Variants in CHKA observed in about 807,000 individuals in gnomAD.
CHKA encodes the protein CHETK-alpha.
CHKA carries 34 observed loss-of-function variants against 60.1 expected under a neutral mutation model. The ratio of observed to expected loss-of-function variants is 0.57; its 90% CI spans 0.43 to 0.75. The LOEUF (loss-of-function observed/expected upper bound fraction) is 0.75, where lower values mean the gene tolerates loss of function less well. Ranked by LOEUF, CHKA falls within the 30% of genes least tolerant of loss-of-function variation. The probability of loss-of-function intolerance (pLI) is 0.00; values close to 1 mark genes in which losing one functional copy is unlikely to be tolerated. For missense variants in CHKA, 563 were observed against 561.3 expected (o/e 1.00, Z -0.03); for synonymous variants, 217 against 223.1 (o/e 0.97, Z 0.24).
chr11:68,101,671 A>G (rs1857731393), intron 1 of CHKA, among the ~76,000 whole-genome samples: 1 of 152,070 alleles, frequency 6.6e-6, no homozygotes, highest in Non-Finnish European at 1.5e-5. Flanking sequence ...AAAAGAAAAG[A>G]AAAAGAAAGA....
chr11:68,074,983 A>G (rs1856741160), intron 3 of CHKA, among the ~76,000 whole-genome samples, 153 bp from the exon 4 acceptor site: 1 of 152,216 alleles, frequency 6.6e-6, no homozygotes, highest in African/African-American at 2.4e-5. Context: ...AAATATGAAG[A>G]AACAGAGGTT....
intron 3 of CHKA, among the ~76,000 whole-genome samples, chr11:68,080,079 C>G (rs1856929575): frequency 6.6e-6 from 1 of 152,186 alleles, no homozygotes; most frequent in Non-Finnish European, 1.5e-5. Flanking sequence ...TAGCATCACG[C>G]AGGTCCTGGT....
At chr11:68,067,192 A>G (rs1416446095) in intron 7 of CHKA, among the ~76,000 whole-genome samples, 11 of 152,242 alleles carry the variant, frequency 7.2e-5, no homozygotes, top group Non-Finnish European at 1.6e-4. Context: ...TGCTGGCACC[A>G]GTGAGCCAAC....
At chr11:68,105,942 A>G (rs907635595) in intron 1 of CHKA, among the ~76,000 whole-genome samples, 2 of 152,216 alleles carry the variant, frequency 1.3e-5, no homozygotes, top group Non-Finnish European at 2.9e-5. Flanking sequence ...CAAAATGACT[A>G]GAAAGAAAAA....
intron 11 of CHKA, among the ~76,000 whole-genome samples, chr11:68,060,499 T>TA (rs1430580758): frequency 3.3e-5 from 5 of 151,720 alleles, no homozygotes; most frequent in Non-Finnish European, 7.4e-5. Context: ...TTAGTAGAGA[T>TA]AGAGTTTCAC....
At position 68,097,010 on chromosome 11, in the gene CHKA, C is replaced by G; in HGVS notation, c.462+9G>C. On this transcript the variant is annotated intron_variant, in intron 2 of 11. Coordinates refer to ENST00000265689, the MANE Select transcript of CHKA (RefSeq NM_001277.3). ...GATCCCCCCCTCCCAAAGTAGCCTA[C>G]CAACTCACCATCTGCAAAATCGCTC... The G allele has an allele frequency of 6.2e-7, 1 of 1,603,922 alleles. No individual in the cohort carries two copies. Among genetic ancestry groups the G allele is most frequent in the Non-Finnish European group, 8.5e-7 (1 of 1,172,654 alleles).
At chr11:68,097,956 G>A (rs1241981014) in intron 1 of CHKA, among the ~76,000 whole-genome samples, 1 of 152,094 alleles carries the variant, frequency 6.6e-6, no homozygotes. Context: ...CAAAGCTGGA[G>A]AGCACCATGT....
chr11:68,081,049 G>A (rs976445955), intron 3 of CHKA, among the ~76,000 whole-genome samples: 2 of 152,224 alleles, frequency 1.3e-5, no homozygotes, highest in Non-Finnish European at 2.9e-5. Context: ...GTGTGGGAAC[G>A]ACCAGAAAGG....
chr11:68,121,148 C>T lies in CHKA; in HGVS notation c.30G>A (p.Glu10=). 4 of 1,211,354 alleles carry T rather than the reference C, an allele frequency of 3.3e-6. No homozygotes were observed. The highest frequency in any genetic ancestry group is 4.1e-6 in the Non-Finnish European group (4 of 966,666). 75.0% of individuals were successfully genotyped at this position (1,211,354 alleles called of 1,614,324 possible). A position where few individuals can be genotyped will look rare whatever the true frequency, so the allele number is the denominator to read the frequency against. ...GCAGCCCGAGCGGCGAGGGCTCCGC[C>T]TCGCCCCCGGTGCAGAATTTGGTTT... MKTKFCTGG[E]AEPSPLGLLL... Residue 10 remains glutamate, a synonymous_variant, in exon 1 of 12, where the codon GAG becomes GAA. Coordinates refer to ENST00000265689, the MANE Select transcript of CHKA (RefSeq NM_001277.3).
chr11:68,119,758 G>A (rs964710833), intron 1 of CHKA, among the ~76,000 whole-genome samples: 7 of 152,112 alleles, frequency 4.6e-5, no homozygotes, highest in Non-Finnish European at 8.8e-5. Flanking sequence ...GTGAGCCACT[G>A]CGCCCGGCCC....
At chr11:68,107,688 G>C (rs1361184439) in intron 1 of CHKA, among the ~76,000 whole-genome samples, 1 of 152,016 alleles carries the variant, frequency 6.6e-6, no homozygotes, top group East Asian at 1.9e-4. Flanking sequence ...GGCCACCTTA[G>C]AAAGTGTTTC....
At chr11:68,081,219 T>A (rs1289192064) in intron 3 of CHKA, among the ~76,000 whole-genome samples, 185 bp downstream of exon 3, 1 of 152,128 alleles carries the variant, frequency 6.6e-6, no homozygotes, top group Admixed American at 6.5e-5. Flanking sequence ...GAATGAGGAA[T>A]ACCCACCGCT....
At chr11:68,071,192 A>C (rs1477984355) in intron 4 of CHKA, among the ~76,000 whole-genome samples, 1 of 152,188 alleles carries the variant, frequency 6.6e-6, no homozygotes, top group Non-Finnish European at 1.5e-5. Context: ...TTCACTACCC[A>C]ATGCTGAAGT....
chr11:68,116,988 G>A (rs953880917), intron 1 of CHKA, among the ~76,000 whole-genome samples: 2 of 152,124 alleles, frequency 1.3e-5, no homozygotes. Flanking sequence ...TCCAGTTCCG[G>A]TGTGCCAGGC....
At chr11:68,108,057 G>C (rs943340308) in intron 1 of CHKA, among the ~76,000 whole-genome samples, 2 of 152,312 alleles carry the variant, frequency 1.3e-5, no homozygotes, top group South Asian at 4.1e-4. Context: ...ACAGGCTGAC[G>C]GGGCTCCACT....
intron 11 of CHKA, among the ~76,000 whole-genome samples, chr11:68,058,691 CT>C (rs1856114702): frequency 1.3e-5 from 2 of 152,146 alleles, no homozygotes; most frequent in Admixed American, 1.3e-4. Flanking sequence ...ATCATGTCAC[CT>C]AAAGAATAAA....
At chr11:68,069,923 GCCA>G (rs1403094365) in intron 6 of CHKA, among the ~76,000 whole-genome samples, 1 of 151,996 alleles carries the variant, frequency 6.6e-6, no homozygotes, top group Admixed American at 6.6e-5. Context: ...TACTGCCCTG[GCCA>G]CCAAGCCACT....
chr11:68,057,182 T>C (rs1052137906), intron 11 of CHKA, among the ~76,000 whole-genome samples: 6 of 152,358 alleles, frequency 3.9e-5, no homozygotes, highest in South Asian at 2.1e-4. Context: ...GTGGTGATGA[T>C]TGTTGCTGAT....
At position 68,105,445 on chromosome 11, in the gene CHKA, G is replaced by A. The variant is rs927039195; in HGVS notation, c.351-8315C>T. On this transcript the variant is annotated intron_variant, in intron 1 of 11. Transcript: ENST00000265689. Reference sequence around the variant, plus strand: ...CAAGAGAATCGCTTAAACACGGGAGGAGGAGGTTGCAGTGAGCCGAAATCG... The same window carrying A: ...CAAGAGAATCGCTTAAACACGGGAGAAGGAGGTTGCAGTGAGCCGAAATCG... Among the ~76,000 whole-genome samples the A allele has an allele frequency of 2.1e-5, 3 of 141,824 alleles. No homozygotes were observed. In the East Asian group the frequency reaches 6.4e-4, roughly 30 times the overall value. The allele number at this position is 141,824 out of a possible 152,430, so 93.0% of individuals were successfully genotyped here.
Sources: gnomAD v4.1 joint callset for allele counts (sites outside exome capture counted in the v4.1 genomes callset) on GRCh38, gnomAD v4.1.1 for gene constraint, MANE v1.5 for transcripts, NCBI Gene and HGNC (gene_info 2026-07-23, HGNC 2026-07-21) for gene names.